The following RBFOX1 variants were observed in gnomAD, a reference collection of about 807,000 sequenced individuals.
RBFOX1 encodes RNA binding fox-1 homolog 1.
Under a neutral mutation model 57.7 loss-of-function variants are expected in RBFOX1, and 8 were observed. The observed-to-expected ratio is 0.14, with a 90% CI of 0.08 to 0.25. RBFOX1 has a LOEUF of 0.25. Among genes scored for constraint, RBFOX1 ranks in the 10% least tolerant of loss-of-function variants. The pLI, the probability that RBFOX1 is intolerant of heterozygous loss-of-function variation, is 1.00. For synonymous variants in RBFOX1, 326 were observed against 222.4 expected (o/e 1.47, Z -4.15); for missense variants, 611 against 548.5 (o/e 1.11, Z -1.14).
intron 4 of RBFOX1, among the ~76,000 whole-genome samples, chr16:7,060,262 T>C (rs576982791): frequency 2.3e-4 from 35 of 152,302 alleles, no homozygotes; most frequent in Non-Finnish European, 4.1e-4. Flanking sequence ...AATAAAACTT[T>C]ATTTACAAGA....
chr16:7,082,313 G>A lies in RBFOX1; in HGVS notation c.27+30215G>A, dbSNP rs138873535. ...TGAAGGTTCCAGGCTGGGCGTGGTC[G>A]TTTCTGCCTGTAATCCCAGCACTTT... On this transcript the variant is annotated intron_variant, in intron 4 of 15. Transcript: ENST00000550418. Among the ~76,000 whole-genome samples, 333 of 152,186 alleles carry A rather than the reference G, an allele frequency of 2.2e-3. 1 individual carries two copies. Among genetic ancestry groups the A allele is most frequent in the Non-Finnish European group, 3.2e-3 (216 of 67,996 alleles).
chr16:6,687,604 A>G (rs778399880), intron 3 of RBFOX1, among the ~76,000 whole-genome samples: 1 of 152,200 alleles, frequency 6.6e-6, no homozygotes, highest in Non-Finnish European at 1.5e-5. Context: ...CTTCAGGTCT[A>G]ATAGTTCTAT....
intron 4 of RBFOX1, among the ~76,000 whole-genome samples, chr16:7,445,100 T>A (rs979322472): frequency 7.0e-6 from 1 of 142,222 alleles, no homozygotes; most frequent in Admixed American, 7.0e-5. Context: ...CAGCTGGGGA[T>A]GCTTGGTGCT....
At chr16:7,206,482 T>G (rs2089997901) in intron 4 of RBFOX1, among the ~76,000 whole-genome samples, 1 of 149,306 alleles carries the variant, frequency 6.7e-6, no homozygotes, top group South Asian at 2.1e-4. Flanking sequence ...TGTGCATATA[T>G]ATATGCACAC....
At chr16:5,682,877 CT>C (rs2050385801) in intron 3 of RBFOX1, among the ~76,000 whole-genome samples, 3 of 152,184 alleles carry the variant, frequency 2.0e-5, no homozygotes, top group African/African-American at 7.2e-5. Flanking sequence ...ATTTTAAAGA[CT>C]GGCTGCCATG....
chr16:6,827,391 C>T (rs145381121), intron 3 of RBFOX1, among the ~76,000 whole-genome samples: 38 of 152,212 alleles, frequency 2.5e-4, no homozygotes, highest in East Asian at 1.2e-3. Flanking sequence ...CCAGCATTAT[C>T]GCTGGAGGGG....
intron 3 of RBFOX1, among the ~76,000 whole-genome samples, chr16:5,802,504 C>A (rs894038577): frequency 6.6e-6 from 1 of 152,138 alleles, no homozygotes; most frequent in African/African-American, 2.4e-5. Flanking sequence ...CTCATCCCAT[C>A]CTCTGCCATC....
intron 11 of RBFOX1, among the ~76,000 whole-genome samples, chr16:7,634,369 T>C (rs2061434935): frequency 6.6e-6 from 1 of 151,174 alleles, no homozygotes; most frequent in African/African-American, 2.5e-5. Flanking sequence ...CATGGATCTT[T>C]AACTGGCCTT....
At chr16:6,443,039 C>T (rs543655801) in intron 2 of RBFOX1, among the ~76,000 whole-genome samples, 11 of 152,232 alleles carry the variant, frequency 7.2e-5, no homozygotes, top group African/African-American at 1.9e-4. Context: ...TTCAGCAGGA[C>T]CCACTTTGGA....
At chr16:5,854,249 G>T (rs1456966532) in intron 3 of RBFOX1, among the ~76,000 whole-genome samples, 1 of 152,176 alleles carries the variant, frequency 6.6e-6, no homozygotes, top group Admixed American at 6.5e-5. Context: ...ATTGTTCATT[G>T]TCATCACAAG....
chr16:6,012,891 G>A (rs2152340048), intron 4 of RBFOX1, among the ~76,000 whole-genome samples: 1 of 152,278 alleles, frequency 6.6e-6, no homozygotes, highest in East Asian at 1.9e-4. Flanking sequence ...TAAAGGAAAT[G>A]TTTCCTAAAA....
chr16:5,409,921 A>G (rs555491442), intron 1 of RBFOX1, among the ~76,000 whole-genome samples: 39 of 151,948 alleles, frequency 2.6e-4, no homozygotes, highest in African/African-American at 9.2e-4. Context: ...CGTGGCGGAC[A>G]CCTGTAATCC....
chr16:7,397,385 G>A (rs926727038), intron 4 of RBFOX1, among the ~76,000 whole-genome samples: 3 of 152,116 alleles, frequency 2.0e-5, no homozygotes, highest in African/African-American at 4.8e-5. Context: ...GTCTATGAAC[G>A]TTGGCTTATA....
At chr16:5,282,855 A>G (rs1162596270) in intron 1 of RBFOX1, among the ~76,000 whole-genome samples, 2 of 152,226 alleles carry the variant, frequency 1.3e-5, no homozygotes, top group African/African-American at 4.8e-5. Context: ...TGGCTGCAGA[A>G]ATTTGTTTAA....
chr16:7,477,705 T>G (rs1026078226), intron 4 of RBFOX1, among the ~76,000 whole-genome samples: 35 of 152,206 alleles, frequency 2.3e-4, no homozygotes, highest in African/African-American at 8.0e-4. Context: ...CCCTGGGGAC[T>G]AGCCTCAGAC....
At chr16:6,630,355 C>G (rs2098368933) in intron 2 of RBFOX1, among the ~76,000 whole-genome samples, 1 of 152,102 alleles carries the variant, frequency 6.6e-6, no homozygotes. Flanking sequence ...ATGCATCCAT[C>G]CATTTCTGCA....
At chr16:5,808,400 G>A (rs868469246) in intron 3 of RBFOX1, among the ~76,000 whole-genome samples, 2 of 152,068 alleles carry the variant, frequency 1.3e-5, no homozygotes, top group African/African-American at 4.8e-5. Flanking sequence ...TTGGCGATGC[G>A]GGCTCTTTTT....
intron 4 of RBFOX1, among the ~76,000 whole-genome samples, chr16:7,205,445 G>T (rs2089736492): frequency 6.6e-6 from 1 of 151,592 alleles, no homozygotes; most frequent in Non-Finnish European, 1.5e-5. Context: ...TTGAACCCAG[G>T]AGGTGGAGGT....
chr16:6,379,313 A>C (rs1046981848), intron 2 of RBFOX1, among the ~76,000 whole-genome samples: 1 of 152,190 alleles, frequency 6.6e-6, no homozygotes, highest in Admixed American at 6.5e-5. Flanking sequence ...AGGATAAAAA[A>C]ATAAGGTGGC....
Sources: gnomAD v4.1 joint callset for allele counts (sites outside exome capture counted in the v4.1 genomes callset) on GRCh38, gnomAD v4.1.1 for gene constraint, MANE v1.5 for transcripts, NCBI Gene and HGNC (gene_info 2026-07-23, HGNC 2026-07-21) for gene names.